ABCD4: variants seen among roughly 807,000 people sequenced by gnomAD.
ABCD4 encodes ATP binding cassette subfamily D member 4.
A neutral mutation model predicts 86.3 loss-of-function variants in ABCD4; 53 were observed. The ratio of observed to expected loss-of-function variants is 0.61; its 90% CI spans 0.49 to 0.77. The LOEUF (loss-of-function observed/expected upper bound fraction) is 0.77, where lower values mean the gene tolerates loss of function less well. Ranked by LOEUF, ABCD4 falls within the 30% of genes least tolerant of loss-of-function variation. ABCD4 has a pLI of 0.00. For synonymous variants in ABCD4, 328 were observed against 313.6 expected, an observed-to-expected ratio of 1.05 and a Z score of -0.49; for missense variants, 757 against 764.5, an observed-to-expected ratio of 0.99 and a Z score of 0.12.
rs754978655 is a variant in ABCD4, at chr14:74,286,741, A to G, written c.1712T>C (p.Met571Thr). 2.5e-6 allele frequency: 4 copies of G among 1,614,020 alleles called. No individual in the cohort carries two copies. Among genetic ancestry groups the G allele is most frequent in the Non-Finnish European group, 3.4e-6 (4 of 1,180,038 alleles). Reference protein sequence around the residue: ...ELYRIGQQLGMTFISVGHRQS... With the variant: ...ELYRIGQQLGTTFISVGHRQS... The stretch of plus-strand genomic sequence containing the variant: ...CCGATGTCCCACACTGATGAACGTC[A>G]TCCCCAGCTGCTGGCCGATGCGATA... Residue 571 changes from methionine (M) to threonine (T), a missense_variant, in exon 18 of 19, where the codon ATG becomes ACG. Transcript: ENST00000356924.
intron 11 of ABCD4, among the ~76,000 whole-genome samples, chr14:74,291,570 CA>C (rs546581752): frequency 1.3e-3 from 204 of 152,330 alleles, no homozygotes; most frequent in Admixed American, 2.5e-3. Flanking sequence ...CACAGAACAG[CA>C]ATTCCAGTTT....
chr14:74,289,703 G>C (rs2080927482), intron 13 of ABCD4, 184 bp from the exon 14 acceptor site: 1 of 1,442,828 alleles, frequency 6.9e-7, no homozygotes, highest in Middle Eastern at 2.5e-4. Flanking sequence ...ACAACCTTCA[G>C]AAGTGTGTTT....
chr14:74,286,267 G>A lies in ABCD4; in HGVS notation c.*194C>T. The stretch of plus-strand genomic sequence containing the variant: ...AGTCCTGGGAGACTGAACACTGGGA[G>A]ATTCAGTGTCCCCCACAGAAACCTA... On this transcript the variant is annotated 3_prime_UTR_variant, in exon 19 of 19. Coordinates refer to ENST00000356924, the MANE Select transcript of ABCD4 (RefSeq NM_005050.4). 1.7e-6 allele frequency: 1 copy of A among 594,950 alleles called. No individual in the cohort carries two copies. The highest frequency in any genetic ancestry group is 3.0e-6 in the Non-Finnish European group (1 of 337,620). The allele number at this position is 594,950 out of a possible 1,614,324, so 36.9% of individuals were successfully genotyped here. A position where few individuals can be genotyped will look rare whatever the true frequency, so the allele number is the denominator to read the frequency against.
chr14:74,299,195 T>C, intron 3 of ABCD4: 2 of 218,716 alleles, frequency 9.1e-6, no homozygotes, highest in Non-Finnish European at 1.8e-5. Flanking sequence ...AGTCACAGCC[T>C]CGGTCCCGCA....
Position 74,291,994 on chromosome 14 carries a change from G to C in ABCD4, c.1118+293C>G, listed in dbSNP as rs1413875477. ...TGCCCCAAGGAAAGGGGCAGGGAGA[G>C]GAATCAGCGGGAGGAGGAAGCACAG... On this transcript the variant is annotated intron_variant, in intron 11 of 18. Coordinates refer to ENST00000356924, the MANE Select transcript of ABCD4 (RefSeq NM_005050.4). Among the ~76,000 whole-genome samples, 4 of 152,164 alleles carry C rather than the reference G, an allele frequency of 2.6e-5. No homozygotes were observed. In the South Asian group the frequency reaches 6.2e-4, roughly 24 times the overall value.
chr14:74,300,576 A>G (rs1356131437), intron 1 of ABCD4, among the ~76,000 whole-genome samples: 2 of 151,084 alleles, frequency 1.3e-5, no homozygotes, highest in African/African-American at 4.9e-5. Context: ...CTGGGCAACA[A>G]GAGCAAAACT....
rs1217246926 is a variant in ABCD4, at chr14:74,285,279, A to T, written c.*1182T>A. The T allele has an allele frequency of 6.6e-6, 1 of 152,196 alleles. No individual in the cohort carries two copies. Among genetic ancestry groups the T allele is most frequent in the Non-Finnish European group, 1.5e-5 (1 of 68,036 alleles). 9.4% of individuals were successfully genotyped at this position (152,196 alleles called of 1,614,324 possible). A position where few individuals can be genotyped will look rare whatever the true frequency, so the allele number is the denominator to read the frequency against. On this transcript the variant is annotated 3_prime_UTR_variant, in exon 19 of 19. Transcript: ENST00000356924. ...AGTGAGAAAATACAATTCTCACTCC[A>T]TCTTTCTGATTTTATTAAGGAGAAA...
At chr14:74,293,280 C>T in intron 7 of ABCD4, 32 bp from the exon 8 acceptor site, 2 of 1,609,192 alleles carry the variant, frequency 1.2e-6, no homozygotes, top group South Asian at 1.1e-5. Flanking sequence ...GTCCACAGGG[C>T]TGGAGAGGTT....
In ABCD4 at chr14:74,289,548, T is replaced by G. The variant is rs766146250; in HGVS notation, c.1420-29A>C. 3.7e-6 allele frequency: 6 copies of G among 1,611,884 alleles called. No homozygotes were observed. The East Asian group carries it at 1.3e-4, about 36-fold the overall frequency. Reference sequence around the variant, plus strand: ...AGAAAAGAAAAAAACCACACCAACCTAGGAGGGCGAGCAAAAGACGGAGCT... The same window carrying G: ...AGAAAAGAAAAAAACCACACCAACCGAGGAGGGCGAGCAAAAGACGGAGCT... On this transcript the variant is annotated intron_variant, in intron 13 of 18. Coordinates refer to ENST00000356924, the MANE Select transcript of ABCD4 (RefSeq NM_005050.4).
intron 1 of ABCD4, among the ~76,000 whole-genome samples, 200 bp downstream of exon 1, chr14:74,302,675 G>C (rs1011727530): frequency 2.6e-5 from 4 of 152,250 alleles, no homozygotes; most frequent in Admixed American, 6.5e-5. Context: ...GGCCAAGAAC[G>C]GAGGGGGCCG....
chr14:74,300,298 G>A (rs2140110912), intron 1 of ABCD4, 30 bp from the exon 2 acceptor site: 2 of 1,451,838 alleles, frequency 1.4e-6, no homozygotes, highest in Non-Finnish European at 1.9e-6. Context: ...GCAGAGAAAA[G>A]CCCAAGACAA....
At chr14:74,292,495 T>A (rs944028653) in intron 10 of ABCD4, 56 bp downstream of exon 10, 7 of 1,601,750 alleles carry the variant, frequency 4.4e-6, no homozygotes, top group Non-Finnish European at 6.0e-6. Flanking sequence ...ACTCAGCCAC[T>A]TCTGCCAGCA....
chr14:74,287,662 A>T, intron 17 of ABCD4, 148 bp downstream of exon 17: 1 of 712,852 alleles, frequency 1.4e-6, no homozygotes, highest in South Asian at 1.7e-5. Flanking sequence ...GGCACTGTTT[A>T]CACGGGCAGG....
chr14:74,288,778 G>C lies in ABCD4; in HGVS notation c.1457-13C>G. 6.2e-7 allele frequency: 1 copy of C among 1,612,902 alleles called. No individual in the cohort carries two copies. The highest frequency in any genetic ancestry group is 1.7e-4 in the Middle Eastern group (1 of 6,060). ...TCATCGGCAGAACCTGCACAACAAA[G>C]AAGCCTTCTGCAAAAAGCCAGAGCC... On this transcript the variant is annotated splice_polypyrimidine_tract_variant and intron_variant, in intron 14 of 18. Transcript: ENST00000356924.
chr14:74,288,513 G>T, intron 15 of ABCD4: 1 of 672,462 alleles, frequency 1.5e-6, no homozygotes, highest in Non-Finnish European at 2.5e-6. Context: ...TCCTATTCTT[G>T]TTTTAAAATT....
intron 16 of ABCD4, 122 bp from the exon 17 acceptor site, chr14:74,288,008 C>G: frequency 9.0e-7 from 1 of 1,112,332 alleles, no homozygotes; most frequent in Non-Finnish European, 1.3e-6. Flanking sequence ...GACAGAAGCC[C>G]CTTCCCTTTC....
At position 74,299,881 on chromosome 14, in the gene ABCD4, G is replaced by C. The variant is rs530975889; in HGVS notation, c.158-206C>G. 2.1e-4 allele frequency: 123 copies of C among 583,614 alleles called. 1 individual carries two copies. The South Asian group carries it at 2.5e-3, about 12-fold the overall frequency. 36.2% of individuals were successfully genotyped at this position (583,614 alleles called of 1,614,324 possible). On this transcript the variant is annotated intron_variant, in intron 2 of 18. Coordinates refer to ENST00000356924, the MANE Select transcript of ABCD4 (RefSeq NM_005050.4). ...GTTCGAGATCAGCCTGGCCAAGATG[G>C]TGAAACCCTGTCTTTACTGAAAAAT... is the stretch of plus-strand genomic sequence containing the variant.
chr14:74,288,674 C>T lies in ABCD4; in HGVS notation c.1506+42G>A, dbSNP rs373129475. On this transcript the variant is annotated intron_variant, in intron 15 of 18. Transcript: ENST00000356924. ...CACCTGCCTACCTGTAGCTGGTGCT[C>T]CCAGGTGGGCTCGGGTCCTGAGGGT... The T allele has an allele frequency of 2.6e-5, 41 of 1,606,204 alleles. No homozygotes were observed. In the African/African-American group the frequency reaches 4.4e-4, roughly 17 times the overall value.
At chr14:74,300,549 G>A (rs375579847) in intron 1 of ABCD4, among the ~76,000 whole-genome samples, 3 of 144,284 alleles carry the variant, frequency 2.1e-5, no homozygotes, top group East Asian at 2.1e-4. Flanking sequence ...CTGAGATTGC[G>A]CCATTGCAAC....
Sources: gnomAD v4.1 joint callset for allele counts (sites outside exome capture counted in the v4.1 genomes callset) on GRCh38, gnomAD v4.1.1 for gene constraint, MANE v1.5 for transcripts, NCBI Gene and HGNC (gene_info 2026-07-23, HGNC 2026-07-21) for gene names.